The following C7 variants were observed in gnomAD, a reference collection of about 807,000 sequenced individuals.
The protein encoded by C7 is complement component C7.
In C7, 83 loss-of-function variants were observed where a neutral mutation model predicts 104.8. The observed-to-expected ratio is 0.79, with a 90% CI of 0.66 to 0.95. The LOEUF (loss-of-function observed/expected upper bound fraction) is 0.95. Among genes scored for constraint, C7 ranks in the 40% least tolerant of loss-of-function variants. The pLI, the probability that C7 is intolerant of heterozygous loss-of-function variation, is 0.00. For missense variants in C7, 1,070 were observed against 1,011.2 expected, an observed-to-expected ratio of 1.06 and a Z score of -0.79; for synonymous variants, 415 against 360.6, an observed-to-expected ratio of 1.15 and a Z score of -1.71.
At chr5:40,980,505 G>C (rs1021010313) in intron 17 of C7, among the ~76,000 whole-genome samples, 3 of 152,136 alleles carry the variant, frequency 2.0e-5, no homozygotes, top group Non-Finnish European at 4.4e-5. Context: ...ACTTTCTCAC[G>C]TTGTGATTCA....
intron 7 of C7, among the ~76,000 whole-genome samples, chr5:40,946,523 T>C (rs1475222688): frequency 6.6e-6 from 1 of 152,226 alleles, no homozygotes; most frequent in African/African-American, 2.4e-5. Flanking sequence ...TTGGCAAAAG[T>C]AGATCTGTGA....
chr5:40,926,440 T>C (rs1298412796), intron 1 of C7, among the ~76,000 whole-genome samples: 1 of 152,076 alleles, frequency 6.6e-6, no homozygotes, highest in African/African-American at 2.4e-5. Flanking sequence ...GAAAAAGAAA[T>C]GAAAGGCATT....
At chr5:40,954,693 G>A (rs1408925221) in intron 9 of C7, among the ~76,000 whole-genome samples, 2 of 151,618 alleles carry the variant, frequency 1.3e-5, no homozygotes, top group Non-Finnish European at 2.9e-5. Context: ...AGACCAGTCT[G>A]GCCAACATGG....
intron 9 of C7, among the ~76,000 whole-genome samples, chr5:40,950,481 C>T (rs777731271): frequency 4.0e-5 from 6 of 151,814 alleles, no homozygotes; most frequent in Admixed American, 2.6e-4. Flanking sequence ...TCCGTGTCTT[C>T]GCTATTGTGA....
chr5:40,955,635 G>A, intron 10 of C7, 82 bp downstream of exon 10: 1 of 1,271,794 alleles, frequency 7.9e-7, no homozygotes, highest in Non-Finnish European at 1.1e-6. Context: ...AATCAAGATG[G>A]TTAAACAGAC....
rs1472026380 is a variant in C7, at chr5:40,981,816, T to TC, written c.*244dup. ...GCCTTTGCACAGGCTGGCTGCGTGT[T>TC]CTTGAAATAGGTGTTACCTTCTCTG... On this transcript the variant is annotated 3_prime_UTR_variant, in exon 18 of 18. Coordinates refer to ENST00000313164, the MANE Select transcript of C7 (RefSeq NM_000587.4). 2 of 373,456 alleles carry TC rather than the reference T, an allele frequency of 5.4e-6. No homozygotes were observed. Among genetic ancestry groups the TC allele is most frequent in the Non-Finnish European group, 9.5e-6 (2 of 209,804 alleles). 23.1% of individuals were successfully genotyped at this position (373,456 alleles called of 1,614,324 possible). A position where few individuals can be genotyped will look rare whatever the true frequency, so the allele number is the denominator to read the frequency against.
chr5:40,975,424 C>T (rs906339101), intron 15 of C7, among the ~76,000 whole-genome samples: 27 of 147,124 alleles, frequency 1.8e-4, no homozygotes, highest in African/African-American at 4.6e-4. Flanking sequence ...AGTGCAACGG[C>T]GCAATCTTGG....
chr5:40,928,969 T>C (rs1159713623), intron 2 of C7, among the ~76,000 whole-genome samples: 2 of 152,184 alleles, frequency 1.3e-5, no homozygotes, highest in Non-Finnish European at 2.9e-5. Flanking sequence ...TTAAATGTAA[T>C]CCTTGCAAAG....
In C7 at chr5:40,964,852, G is replaced by C. The variant is rs769962511; in HGVS notation, c.1861G>C (p.Val621Leu). The C allele has an allele frequency of 6.2e-7, 1 of 1,613,724 alleles. No individual in the cohort carries two copies. Among genetic ancestry groups the C allele is most frequent in the East Asian group, 2.2e-5 (1 of 44,878 alleles). The change falls in exon 14 of 18, where the codon GTT becomes CTT. Residue 621 changes from valine (V) to leucine (L), a missense_variant. Val to Leu is a conservative substitution (Grantham distance 32, BLOSUM62 1). Transcript: ENST00000313164. ...ARCGEDLRWL[V>L]GEMHCQKIAC... is the part of the protein sequence containing the mutation. The stretch of plus-strand genomic sequence containing the variant: ...ATGTGGAGAAGATTTACGGTGGCTT[G>C]TTGGGGAAATGCATTGTCAGAGTGA...
intron 8 of C7, among the ~76,000 whole-genome samples, chr5:40,948,840 A>G (rs1021508929): frequency 6.6e-6 from 1 of 152,178 alleles, no homozygotes; most frequent in Non-Finnish European, 1.5e-5. Context: ...GAAGAATAAG[A>G]TCTCTTACAT....
chr5:40,938,294 T>C (rs1739858717), intron 6 of C7, among the ~76,000 whole-genome samples: 2 of 152,200 alleles, frequency 1.3e-5, no homozygotes, highest in East Asian at 1.9e-4. Flanking sequence ...ATTCTTTATA[T>C]GTTTTTGTCC....
Position 40,949,976 on chromosome 5 carries a change from GA to G in C7, c.1056del (p.Cys353AlafsTer8). On this transcript the variant is annotated frameshift_variant, in exon 9 of 18. Coordinates refer to ENST00000313164, the MANE Select transcript of C7 (RefSeq NM_000587.4). LOFTEE classifies it high-confidence loss of function. ...WHFVVKFSSH[G>X]CKELENALKA... is the part of the protein sequence containing the mutation. ...TTTGTCGTTAAATTTTCAAGTCATG[GA>G]TGCAAGGAACTGGAAAACGCTTTAA... The G allele has an allele frequency of 6.2e-7, 1 of 1,600,612 alleles. No individual in the cohort carries two copies. Among genetic ancestry groups the G allele is most frequent in the Non-Finnish European group, 8.5e-7 (1 of 1,172,980 alleles).
At chr5:40,978,953 C>T (rs1328887865) in intron 16 of C7, among the ~76,000 whole-genome samples, 1 of 136,552 alleles carries the variant, frequency 7.3e-6, no homozygotes, top group Non-Finnish European at 1.5e-5. Flanking sequence ...AATCTTGGCT[C>T]ACTGCAACCT....
At chr5:40,956,894 T>A (rs898187249) in intron 10 of C7, among the ~76,000 whole-genome samples, 2 of 152,228 alleles carry the variant, frequency 1.3e-5, no homozygotes, top group East Asian at 3.8e-4. Context: ...CTTTAGAAAC[T>A]CTTGATTACA....
At chr5:40,923,308 G>A (rs1485373504) in intron 1 of C7, among the ~76,000 whole-genome samples, 3 of 152,142 alleles carry the variant, frequency 2.0e-5, no homozygotes, top group Admixed American at 6.6e-5. Context: ...AAATAAAAGA[G>A]GTTTAATTGC....
At chr5:40,925,061 C>G (rs1001891353) in intron 1 of C7, among the ~76,000 whole-genome samples, 5 of 152,204 alleles carry the variant, frequency 3.3e-5, no homozygotes, top group African/African-American at 1.2e-4. Context: ...AATTCCTCTC[C>G]TGATGATCCT....
intron 3 of C7, 69 bp from the exon 4 acceptor site, chr5:40,934,256 A>C: frequency 1.5e-6 from 2 of 1,375,608 alleles, no homozygotes; most frequent in Non-Finnish European, 1.9e-6. Flanking sequence ...TTACTCAGAT[A>C]AAGGAAACTA....
At position 40,957,939 on chromosome 5, in the gene C7, A is replaced by G. The variant is rs1740330071; in HGVS notation, c.1261-94A>G. 9.1e-6 allele frequency: 7 copies of G among 770,592 alleles called. No individual in the cohort carries two copies. In the East Asian group the frequency reaches 1.7e-4, roughly 18 times the overall value. 47.7% of individuals were successfully genotyped at this position (770,592 alleles called of 1,614,324 possible). On this transcript the variant is annotated intron_variant, in intron 10 of 17. Transcript: ENST00000313164. ...GTAACAAACTTGCCCGTGGCTTTTG[A>G]TTTTGTTTTAATGAGAGTCGTGCCT...
intron 1 of C7, among the ~76,000 whole-genome samples, chr5:40,922,073 C>T (rs894350464): frequency 1.5e-5 from 2 of 137,220 alleles, no homozygotes; most frequent in Non-Finnish European, 3.2e-5. Flanking sequence ...CAAACAAAAA[C>T]AACAACAAAA....
Sources: allele counts gnomAD v4.1 joint callset (sites outside exome capture counted in the v4.1 genomes callset), GRCh38; gene constraint gnomAD v4.1.1; transcripts MANE v1.5; gene names NCBI Gene and HGNC (gene_info 2026-07-23, HGNC 2026-07-21).